The following ATF7IP variants were observed in gnomAD, a reference collection of about 807,000 sequenced individuals.
ATF7IP encodes activating transcription factor 7-interacting protein 1.
Under a neutral mutation model 106.4 loss-of-function variants are expected in ATF7IP, and 23 were observed. The ratio of observed to expected loss-of-function variants is 0.22; its 90% CI spans 0.16 to 0.31. The LOEUF (loss-of-function observed/expected upper bound fraction) is 0.31. ATF7IP is among the 10% of genes least tolerant of loss of function. The pLI is 1.00. For missense variants in ATF7IP, 1,334 were observed against 1,524.3 expected, an observed-to-expected ratio of 0.88 and a Z score of 2.08; for synonymous variants, 542 against 539.0, an observed-to-expected ratio of 1.01 and a Z score of -0.08.
chr12:14,488,382 G>A (rs1944697507), intron 13 of ATF7IP, among the ~76,000 whole-genome samples: 2 of 152,180 alleles, frequency 1.3e-5, no homozygotes. Flanking sequence ...GGAGGCCGAT[G>A]TTTCAGGGTA....
intron 13 of ATF7IP, among the ~76,000 whole-genome samples, chr12:14,490,779 G>A (rs1299366280): frequency 1.3e-5 from 2 of 152,102 alleles, no homozygotes; most frequent in Non-Finnish European, 2.9e-5. Flanking sequence ...AATTACTTCT[G>A]CCGTCCGCAC....
chr12:14,438,764 T>G (rs1348978155), intron 5 of ATF7IP, among the ~76,000 whole-genome samples: 1 of 152,212 alleles, frequency 6.6e-6, no homozygotes, highest in African/African-American at 2.4e-5. Flanking sequence ...TGCAATGACC[T>G]TCTTTACAAA....
chr12:14,438,905 C>G (rs1179591855), intron 5 of ATF7IP, among the ~76,000 whole-genome samples: 2 of 151,968 alleles, frequency 1.3e-5, no homozygotes, highest in African/African-American at 2.4e-5. Flanking sequence ...TTTTTCCAGT[C>G]ACTAAAGGAA....
chr12:14,445,498 T>C (rs547005919), intron 5 of ATF7IP, among the ~76,000 whole-genome samples: 33 of 152,350 alleles, frequency 2.2e-4, no homozygotes, highest in African/African-American at 7.5e-4. Context: ...CTTTCCCATT[T>C]ACCTTTTTAG....
chr12:14,460,029 G>T (rs1943579703), intron 8 of ATF7IP, among the ~76,000 whole-genome samples: 1 of 152,026 alleles, frequency 6.6e-6, no homozygotes. Flanking sequence ...AATAAAATAC[G>T]ATGAGTAAGC....
chr12:14,369,895 C>T (rs569460513), intron 1 of ATF7IP, among the ~76,000 whole-genome samples: 52 of 151,756 alleles, frequency 3.4e-4, no homozygotes, highest in African/African-American at 1.3e-3. Flanking sequence ...GGGGTTCCAC[C>T]GATCCCTTGA....
chr12:14,427,512 C>T (rs900586110), intron 2 of ATF7IP, among the ~76,000 whole-genome samples: 1 of 151,984 alleles, frequency 6.6e-6, no homozygotes, highest in Non-Finnish European at 1.5e-5. Context: ...ATTATAGGTG[C>T]GCGACACCAC....
chr12:14,422,358 A>AC (rs1565496375), intron 1 of ATF7IP, among the ~76,000 whole-genome samples: 24 of 128,794 alleles, frequency 1.9e-4, no homozygotes, highest in African/African-American at 6.6e-4. Context: ...CACACACACA[A>AC]CCTTTGTATT....
chr12:14,430,536 C>G (rs557292430), intron 2 of ATF7IP, among the ~76,000 whole-genome samples: 1 of 152,278 alleles, frequency 6.6e-6, no homozygotes, highest in African/African-American at 2.4e-5. Context: ...AGTCACATTA[C>G]CAGTCATGCC....
intron 2 of ATF7IP, among the ~76,000 whole-genome samples, chr12:14,429,855 G>T (rs1942035272): frequency 1.3e-5 from 2 of 152,168 alleles, no homozygotes; most frequent in South Asian, 4.1e-4. Context: ...CAGAGTTGAG[G>T]AAGACCAAAG....
chr12:14,398,759 T>TTCA (rs1464431871), intron 1 of ATF7IP, among the ~76,000 whole-genome samples: 1 of 152,028 alleles, frequency 6.6e-6, no homozygotes, highest in African/African-American at 2.4e-5. Context: ...TTTGTTCTAT[T>TTCA]ACTTGATTTT....
chr12:14,383,276 G>A (rs942106753), intron 1 of ATF7IP, among the ~76,000 whole-genome samples: 1 of 152,218 alleles, frequency 6.6e-6, no homozygotes, highest in Non-Finnish European at 1.5e-5. Context: ...GAAAAAAGTA[G>A]TCAGGATTTA....
intron 1 of ATF7IP, among the ~76,000 whole-genome samples, chr12:14,370,677 G>C (rs958006801): frequency 6.6e-6 from 1 of 152,054 alleles, no homozygotes; most frequent in Non-Finnish European, 1.5e-5. Flanking sequence ...GGGAGAATTT[G>C]TGGTATCTGT....
intron 1 of ATF7IP, among the ~76,000 whole-genome samples, chr12:14,391,999 G>C (rs1682020088): frequency 1.3e-5 from 2 of 152,198 alleles, no homozygotes; most frequent in Non-Finnish European, 2.9e-5. Context: ...GGGATTACAG[G>C]TGTGAGCCAC....
chr12:14,446,932 T>A (rs112974161), intron 5 of ATF7IP, 56 bp from the exon 6 acceptor site: 12 of 1,272,606 alleles, frequency 9.4e-6, no homozygotes, highest in African/African-American at 1.6e-5. Flanking sequence ...TTTTTTTTTT[T>A]AATGCTGTAA....
At chr12:14,451,742 C>G (rs1943210945) in intron 6 of ATF7IP, among the ~76,000 whole-genome samples, 1 of 151,886 alleles carries the variant, frequency 6.6e-6, no homozygotes, top group Admixed American at 6.6e-5. Flanking sequence ...TGATTTCATT[C>G]TTTCTAAATT....
intron 6 of ATF7IP, among the ~76,000 whole-genome samples, chr12:14,451,187 T>G (rs1166098041): frequency 1.3e-5 from 2 of 152,170 alleles, no homozygotes; most frequent in African/African-American, 4.8e-5. Context: ...GGTGTGTAAT[T>G]GTTCATTGTA....
intron 1 of ATF7IP, chr12:14,385,298 A>G: frequency 8.4e-7 from 1 of 1,185,786 alleles, no homozygotes; most frequent in Admixed American, 2.6e-5. Context: ...TGTGCAACTG[A>G]GACTGTGCAG....
Position 14,472,820 on chromosome 12 carries a change from GCA to G in ATF7IP, c.2863-3058_2863-3057del, listed in dbSNP as rs35286428. Among the ~76,000 whole-genome samples, 9 of 151,510 alleles carry G rather than the reference GCA, an allele frequency of 5.9e-5. No individual in the cohort carries two copies. In the South Asian group the frequency reaches 6.3e-4, roughly 11 times the overall value. ...CATCCATATATGTATATGAATGTAT[GCA>G]CACACACACACTATATTAATCTCTT... On this transcript the variant is annotated intron_variant, in intron 10 of 14. Coordinates refer to ENST00000261168, the MANE Select transcript of ATF7IP (RefSeq NM_018179.5).
Sources: allele counts gnomAD v4.1 joint callset (sites outside exome capture counted in the v4.1 genomes callset), GRCh38; gene constraint gnomAD v4.1.1; transcripts MANE v1.5; gene names NCBI Gene and HGNC (gene_info 2026-07-23, HGNC 2026-07-21).